The following FSTL1 variants were observed in gnomAD, a reference collection of about 807,000 sequenced individuals.
The protein encoded by FSTL1 is follistatin like 1, also known as follistatin-related protein 1.
FSTL1 carries 24 observed loss-of-function variants against 45.9 expected under a neutral mutation model. That is an observed-to-expected ratio of 0.52 (90% CI 0.38 to 0.74). The LOEUF (loss-of-function observed/expected upper bound fraction) is 0.74. Among genes scored for constraint, FSTL1 ranks in the 30% least tolerant of loss-of-function variants. The pLI is 0.00. For missense variants in FSTL1, 340 were observed against 381.8 expected, an observed-to-expected ratio of 0.89 and a Z score of 0.91; for synonymous variants, 120 against 137.6, an observed-to-expected ratio of 0.87 and a Z score of 0.89.
chr3:120,408,605 G>A (rs574867206), intron 6 of FSTL1, among the ~76,000 whole-genome samples: 1 of 152,310 alleles, frequency 6.6e-6, no homozygotes, highest in South Asian at 2.1e-4. Context: ...GGAAGCATGT[G>A]AGGGAGTAGA....
chr3:120,415,946 C>G lies in FSTL1; in HGVS notation c.145G>C (p.Glu49Gln), dbSNP rs1937180295. The G allele has an allele frequency of 3.1e-6, 5 of 1,612,488 alleles. No individual in the cohort carries two copies. The highest frequency in any genetic ancestry group is 3.4e-6 in the Non-Finnish European group (4 of 1,178,526). ...GRECAVTEKG[E>Q]PTCLCIEQCK... is the part of the protein sequence containing the mutation. ...ACCTCAATGCAGAGACAGGTGGGTT[C>G]CCCTTTCTCTGTGACTGCACATTCC... Residue 49 changes from glutamate to glutamine, a missense_variant, in exon 3 of 11, where the codon GAA becomes CAA. By Grantham distance (29) the Glu-to-Gln change is conservative. Transcript: ENST00000295633.
At chr3:120,429,125 C>A (rs1937434478) in intron 2 of FSTL1, among the ~76,000 whole-genome samples, 1 of 152,236 alleles carries the variant, frequency 6.6e-6, no homozygotes, top group Admixed American at 6.5e-5. Context: ...CACGCCCAGG[C>A]TCTAGAAGGC....
At chr3:120,427,681 T>C (rs1559741351) in intron 2 of FSTL1, among the ~76,000 whole-genome samples, 1 of 152,196 alleles carries the variant, frequency 6.6e-6, no homozygotes, top group Non-Finnish European at 1.5e-5. Flanking sequence ...TGTTTGTGCA[T>C]GTGTGTGCAT....
chr3:120,416,530 G>A (rs1231853933), intron 2 of FSTL1, among the ~76,000 whole-genome samples: 1 of 152,204 alleles, frequency 6.6e-6, no homozygotes, highest in Admixed American at 6.5e-5. Context: ...AAGATACTAG[G>A]TCTTAACTGA....
chr3:120,414,667 G>A (rs998062762), intron 3 of FSTL1, among the ~76,000 whole-genome samples: 1 of 151,840 alleles, frequency 6.6e-6, no homozygotes, highest in Non-Finnish European at 1.5e-5. Flanking sequence ...TCTGCCTTGG[G>A]ATCCTGTTGA....
intron 2 of FSTL1, among the ~76,000 whole-genome samples, chr3:120,425,477 G>A (rs1304824737): frequency 1.3e-5 from 2 of 152,134 alleles, no homozygotes; most frequent in Non-Finnish European, 2.9e-5. Context: ...CAGGAGGACT[G>A]AAATGGGCCC....
chr3:120,450,936 C>T lies in FSTL1; in HGVS notation c.-40G>A, dbSNP rs1476393653. On this transcript the variant is annotated 5_prime_UTR_variant, in exon 1 of 11. Coordinates refer to ENST00000295633, the MANE Select transcript of FSTL1 (RefSeq NM_007085.5). ...GGTCTCCTGGGGGCGCGGGGCAGGA[C>T]GGCGGCAGCGAGCTGTAAGCGGAGG... 3 of 479,468 alleles carry T rather than the reference C, an allele frequency of 6.3e-6. No individual in the cohort carries two copies. Among genetic ancestry groups the T allele is most frequent in the South Asian group, 3.3e-5 (1 of 29,864 alleles). The allele number at this position is 479,468 out of a possible 1,614,324, so 29.7% of individuals were successfully genotyped here.
At chr3:120,403,935 A>C (rs889842446) in intron 7 of FSTL1, among the ~76,000 whole-genome samples, 14 of 131,392 alleles carry the variant, frequency 1.1e-4, no homozygotes, top group South Asian at 2.4e-4. Flanking sequence ...AAAAAAAAAA[A>C]AAAAAAAAAC....
rs1936653187 is a variant in FSTL1 at position 120,394,325 on chromosome 3, C to G, written c.*2627G>C. 1 of 152,178 alleles carries G rather than the reference C, an allele frequency of 6.6e-6. No homozygotes were observed. Among genetic ancestry groups the G allele is most frequent in the Non-Finnish European group, 1.5e-5 (1 of 68,034 alleles). The allele number at this position is 152,178 out of a possible 1,614,324, so 9.4% of individuals were successfully genotyped here. ...TCAATAGTATCCGAAAAGGAAGAAT[C>G]AGGAGTTACAAAAACAAGTTAAATG... On this transcript the variant is annotated 3_prime_UTR_variant, in exon 11 of 11. Coordinates refer to ENST00000295633, the MANE Select transcript of FSTL1 (RefSeq NM_007085.5).
intron 10 of FSTL1, among the ~76,000 whole-genome samples, 155 bp downstream of exon 10, chr3:120,399,728 C>T (rs1936780173): frequency 6.6e-6 from 1 of 152,164 alleles, no homozygotes; most frequent in African/African-American, 2.4e-5. Context: ...GTCTGTATCA[C>T]AGTTTGATAG....
chr3:120,413,513 G>A (rs1049576237), intron 3 of FSTL1, among the ~76,000 whole-genome samples: 22 of 152,070 alleles, frequency 1.4e-4, no homozygotes, highest in Admixed American at 3.9e-4. Context: ...AGAGCTAATG[G>A]ATCCCCAGTA....
At chr3:120,433,952 G>A (rs1205095159) in intron 2 of FSTL1, among the ~76,000 whole-genome samples, 1 of 152,200 alleles carries the variant, frequency 6.6e-6, no homozygotes, top group African/African-American at 2.4e-5. Context: ...TAAAGGTACT[G>A]ATAAGTCTGT....
intron 2 of FSTL1, among the ~76,000 whole-genome samples, chr3:120,427,995 G>A (rs1052223410): frequency 4.6e-5 from 7 of 151,744 alleles, no homozygotes; most frequent in Admixed American, 2.0e-4. Context: ...GTGGAAATGG[G>A]CTTATTATCT....
rs182357059 is a variant in FSTL1, at chr3:120,393,468, C to T, written c.*3484G>A. On this transcript the variant is annotated 3_prime_UTR_variant, in exon 11 of 11. Transcript: ENST00000295633. ...TTCAGCCCACTTGGAACTGTTTACCCCCATGGAATGTGTGTATCAAGGAAG... is the reference window on the plus strand; with the variant it reads ...TTCAGCCCACTTGGAACTGTTTACCTCCATGGAATGTGTGTATCAAGGAAG... The T allele has an allele frequency of 1.3e-5, 2 of 152,246 alleles. No homozygotes were observed. The highest frequency in any genetic ancestry group is 6.5e-5 in the Admixed American group (1 of 15,294). 9.4% of individuals were successfully genotyped at this position (152,246 alleles called of 1,614,324 possible). A position where few individuals can be genotyped will look rare whatever the true frequency, so the allele number is the denominator to read the frequency against.
intron 6 of FSTL1, among the ~76,000 whole-genome samples, chr3:120,405,204 G>C (rs1201020231): frequency 6.6e-6 from 1 of 152,208 alleles, no homozygotes; most frequent in Non-Finnish European, 1.5e-5. Flanking sequence ...AACCTGAACT[G>C]AGGCCTCTGG....
chr3:120,422,131 G>A (rs980656427), intron 2 of FSTL1, among the ~76,000 whole-genome samples: 5 of 152,110 alleles, frequency 3.3e-5, no homozygotes, highest in African/African-American at 1.2e-4. Flanking sequence ...GCACACTTCA[G>A]CTTCCCCCAG....
intron 3 of FSTL1, among the ~76,000 whole-genome samples, chr3:120,412,826 GCGCGCGCGCGCGCACA>G (rs1324946044): frequency 3.4e-4 from 19 of 56,338 alleles, no homozygotes; most frequent in African/African-American, 1.0e-3. Flanking sequence ...ATGTGCGCGC[GCGCGCGCGCGCGCACA>G]CACACACACA....
intron 2 of FSTL1, among the ~76,000 whole-genome samples, chr3:120,416,781 A>T (rs1937193857): frequency 6.6e-6 from 1 of 152,164 alleles, no homozygotes; most frequent in South Asian, 2.1e-4. Flanking sequence ...CTGAAAGTAG[A>T]ACTATTCTCA....
chr3:120,430,013 A>C (rs1197353430), intron 2 of FSTL1, among the ~76,000 whole-genome samples: 1 of 152,166 alleles, frequency 6.6e-6, no homozygotes, highest in African/African-American at 2.4e-5. Context: ...ATTCTTTAAC[A>C]TCTGAACTGA....
Sources: allele counts gnomAD v4.1 joint callset (sites outside exome capture counted in the v4.1 genomes callset), GRCh38; gene constraint gnomAD v4.1.1; transcripts MANE v1.5; gene names NCBI Gene and HGNC (gene_info 2026-07-23, HGNC 2026-07-21).